Variants in CACNG5 observed in about 807,000 individuals in gnomAD.
CACNG5 encodes voltage-dependent calcium channel gamma-5 subunit.
Under a neutral mutation model 24.8 loss-of-function variants are expected in CACNG5, and 18 were observed. The ratio of observed to expected loss-of-function variants is 0.73; its 90% CI spans 0.50 to 1.08. The LOEUF (loss-of-function observed/expected upper bound fraction) is 1.08. Ranked by LOEUF, CACNG5 falls within the 50% of genes least tolerant of loss-of-function variation. The probability of loss-of-function intolerance (pLI) is 0.00; values close to 1 mark genes in which losing one functional copy is unlikely to be tolerated. For synonymous variants in CACNG5, 157 were observed against 149.1 expected, an observed-to-expected ratio of 1.05 and a Z score of -0.39; for missense variants, 349 against 367.9, an observed-to-expected ratio of 0.95 and a Z score of 0.42.
intron 1 of CACNG5, among the ~76,000 whole-genome samples, chr17:66,837,648 GTGGT>G (rs1182756744): frequency 6.6e-6 from 1 of 152,216 alleles, no homozygotes; most frequent in Non-Finnish European, 1.5e-5. Context: ...ACTTATGACT[GTGGT>G]TCATAGTCTC....
chr17:66,850,939 C>G (rs770742861), intron 1 of CACNG5, among the ~76,000 whole-genome samples: 3 of 152,098 alleles, frequency 2.0e-5, no homozygotes, highest in Non-Finnish European at 4.4e-5. Context: ...TAAGGAGAAC[C>G]AGGGGGTACT....
chr17:66,849,066 T>G (rs1016666672), intron 1 of CACNG5, among the ~76,000 whole-genome samples: 2 of 152,092 alleles, frequency 1.3e-5, no homozygotes, highest in African/African-American at 4.8e-5. Flanking sequence ...ATTAAGGGAG[T>G]ACCGCGGGGT....
In CACNG5 at chr17:66,887,454, C is replaced by T. The variant is rs1377816249; in HGVS notation, c.*2214C>T. ...GCACCCTTGCAATGACTGTTGTATTCTTCAGTTACTGTTTACAGAATAATA... is the reference window on the plus strand; with the variant it reads ...GCACCCTTGCAATGACTGTTGTATTTTTCAGTTACTGTTTACAGAATAATA... On this transcript the variant is annotated 3_prime_UTR_variant, in exon 6 of 6. Transcript: ENST00000533854. Among the ~76,000 whole-genome samples the T allele has an allele frequency of 2.0e-5, 3 of 152,164 alleles. No homozygotes were observed. The highest frequency in any genetic ancestry group is 4.4e-5 in the Non-Finnish European group (3 of 68,018).
At chr17:66,859,018 GACCTTGGGCT>G (rs375394355) in intron 1 of CACNG5, among the ~76,000 whole-genome samples, 5 of 152,286 alleles carry the variant, frequency 3.3e-5, no homozygotes, top group African/African-American at 1.2e-4. Context: ...GCTCCTATAT[GACCTTGGGCT>G]TCCTCACTCG....
chr17:66,855,665 T>G lies in CACNG5; in HGVS notation c.-104+20415T>G, dbSNP rs558352373. ...CAGGCTCGGACCACGCCTGGCTAATTTTTGCACTTTTAGTAGAGACGGGGT... is the reference window on the plus strand; with the variant it reads ...CAGGCTCGGACCACGCCTGGCTAATGTTTGCACTTTTAGTAGAGACGGGGT... On this transcript the variant is annotated intron_variant, in intron 1 of 5. Coordinates refer to ENST00000533854, the MANE Select transcript of CACNG5 (RefSeq NM_145811.3). 2.0e-5 allele frequency among the ~76,000 whole-genome samples: 3 copies of G among 152,272 alleles called. No individual in the cohort carries two copies. The South Asian group carries it at 6.2e-4, about 32-fold the overall frequency.
At chr17:66,851,223 A>G (rs1187618263) in intron 1 of CACNG5, among the ~76,000 whole-genome samples, 1 of 152,170 alleles carries the variant, frequency 6.6e-6, no homozygotes, top group East Asian at 1.9e-4. Context: ...TAAGTTTCTA[A>G]CGCCCCCCAG....
At chr17:66,878,850 C>A in intron 2 of CACNG5, 122 bp from the exon 3 acceptor site, 1 of 785,714 alleles carries the variant, frequency 1.3e-6, no homozygotes, top group Non-Finnish European at 2.1e-6. Context: ...TTGGATCCAG[C>A]TCAGGTGCAA....
intron 2 of CACNG5, among the ~76,000 whole-genome samples, 153 bp from the exon 3 acceptor site, chr17:66,878,819 G>A (rs527485810): frequency 1.3e-5 from 2 of 152,316 alleles, no homozygotes; most frequent in African/African-American, 4.8e-5. Flanking sequence ...CTATGAGCCA[G>A]GGACAGGACC....
intron 1 of CACNG5, among the ~76,000 whole-genome samples, chr17:66,864,797 C>T (rs1484597560): frequency 6.6e-6 from 1 of 152,200 alleles, no homozygotes. Context: ...AACCCCAGAA[C>T]CATGTGTCAT....
At chr17:66,878,835 A>T in intron 2 of CACNG5, 137 bp from the exon 3 acceptor site, 2 of 679,082 alleles carry the variant, frequency 2.9e-6, no homozygotes, top group South Asian at 3.8e-5. Context: ...GGACCCCCAT[A>T]GGGTTTGGAT....
chr17:66,864,402 G>A (rs182116616), intron 1 of CACNG5, among the ~76,000 whole-genome samples: 2 of 152,230 alleles, frequency 1.3e-5, no homozygotes, highest in African/African-American at 4.8e-5. Flanking sequence ...CTCTCATTCT[G>A]TGTGAACTGA....
Position 66,886,406 on chromosome 17 carries a change from A to G in CACNG5, c.*1166A>G, listed in dbSNP as rs1382470507. Among the ~76,000 whole-genome samples the G allele has an allele frequency of 6.6e-6, 1 of 152,192 alleles. No homozygotes were observed. Among genetic ancestry groups the G allele is most frequent in the Admixed American group, 6.5e-5 (1 of 15,290 alleles). On this transcript the variant is annotated 3_prime_UTR_variant, in exon 6 of 6. Coordinates refer to ENST00000533854, the MANE Select transcript of CACNG5 (RefSeq NM_145811.3). The stretch of plus-strand genomic sequence containing the variant: ...AGATGTGGGCAAATCAGATTTTTCC[A>G]GAAGACCAGGCAGTGTGACACCCAT...
chr17:66,867,885 A>G (rs1208433854), intron 1 of CACNG5, among the ~76,000 whole-genome samples: 1 of 152,212 alleles, frequency 6.6e-6, no homozygotes, highest in Non-Finnish European at 1.5e-5. Flanking sequence ...CTTGTAGTAT[A>G]GTTTGAAGTC....
chr17:66,839,672 G>C (rs930401812), intron 1 of CACNG5, among the ~76,000 whole-genome samples: 2 of 151,334 alleles, frequency 1.3e-5, no homozygotes, highest in African/African-American at 4.9e-5. Context: ...AACATGGAGG[G>C]GGGTCAGTGA....
At chr17:66,847,061 CA>C (rs1204094930) in intron 1 of CACNG5, among the ~76,000 whole-genome samples, 3 of 152,232 alleles carry the variant, frequency 2.0e-5, no homozygotes, top group Non-Finnish European at 4.4e-5. Context: ...AGTTTGTGCT[CA>C]GGGACTGTGC....
intron 1 of CACNG5, among the ~76,000 whole-genome samples, chr17:66,853,711 A>C (rs60328656): frequency 6.6e-6 from 1 of 152,096 alleles, no homozygotes; most frequent in Non-Finnish European, 1.5e-5. Flanking sequence ...CATTATTTCA[A>C]TAAATGCAGA....
chr17:66,846,515 C>G (rs1976639527), intron 1 of CACNG5, among the ~76,000 whole-genome samples: 3 of 152,192 alleles, frequency 2.0e-5, no homozygotes, highest in African/African-American at 7.2e-5. Flanking sequence ...GCTTCTTTCA[C>G]TTCACATAAT....
rs1977311935 is a variant in CACNG5, at chr17:66,889,548, A to T, written c.*4308A>T. On this transcript the variant is annotated 3_prime_UTR_variant, in exon 6 of 6. Coordinates refer to ENST00000533854, the MANE Select transcript of CACNG5 (RefSeq NM_145811.3). ...AGGATGAATATATAGAGAGAGAAAG[A>T]TTTATTTTAAGGAATTAGCTCAAGA... is the stretch of plus-strand genomic sequence containing the variant. Among the ~76,000 whole-genome samples, 1 of 152,152 alleles carries T rather than the reference A, an allele frequency of 6.6e-6. No individual in the cohort carries two copies. The highest frequency in any genetic ancestry group is 1.5e-5 in the Non-Finnish European group (1 of 68,034).
At chr17:66,873,457 A>T (rs1977037733) in intron 1 of CACNG5, among the ~76,000 whole-genome samples, 1 of 152,082 alleles carries the variant, frequency 6.6e-6, no homozygotes, top group Non-Finnish European at 1.5e-5. Flanking sequence ...GTAGATTAAG[A>T]TCCAATCTCC....
Sources: gnomAD v4.1 joint callset for allele counts (sites outside exome capture counted in the v4.1 genomes callset) on GRCh38, gnomAD v4.1.1 for gene constraint, MANE v1.5 for transcripts, NCBI Gene and HGNC (gene_info 2026-07-23, HGNC 2026-07-21) for gene names.